Variants in PHLDB2 observed in about 807,000 individuals in gnomAD.
PHLDB2 encodes pleckstrin homology-like domain family B member 2.
PHLDB2 carries 71 observed loss-of-function variants against 123.6 expected under a neutral mutation model. That is an observed-to-expected ratio of 0.57 (90% CI 0.47 to 0.70). PHLDB2 has a LOEUF of 0.70. PHLDB2 is among the 30% of genes least tolerant of loss of function. The pLI, the probability that PHLDB2 is intolerant of heterozygous loss-of-function variation, is 0.00. For synonymous variants in PHLDB2, 547 were observed against 541.6 expected (o/e 1.01, Z -0.14); for missense variants, 1,446 against 1,519.5 (o/e 0.95, Z 0.80).
chr3:111,970,665 T>G (rs1055567767), intron 16 of PHLDB2, among the ~76,000 whole-genome samples: 1 of 152,186 alleles, frequency 6.6e-6, no homozygotes, highest in Non-Finnish European at 1.5e-5. Flanking sequence ...AAGAACCTCT[T>G]ATTTCCTCTT....
At chr3:111,832,026 C>T (rs2063060768) in intron 1 of PHLDB2, among the ~76,000 whole-genome samples, 1 of 152,170 alleles carries the variant, frequency 6.6e-6, no homozygotes, top group Non-Finnish European at 1.5e-5. Context: ...ATGACACTGG[C>T]TCATGAGTTT....
chr3:111,895,158 A>G (rs1235538386), intron 2 of PHLDB2, among the ~76,000 whole-genome samples: 2 of 152,228 alleles, frequency 1.3e-5, no homozygotes, highest in Non-Finnish European at 2.9e-5. Flanking sequence ...CAATAATCTA[A>G]TGACTTCACA....
At chr3:111,734,599 A>G (rs1017076002) in intron 1 of PHLDB2, among the ~76,000 whole-genome samples, 1 of 152,180 alleles carries the variant, frequency 6.6e-6, no homozygotes, top group African/African-American at 2.4e-5. Context: ...AATATTGGAT[A>G]GTAAGTAGAG....
chr3:111,957,688 C>T (rs1383521731), intron 12 of PHLDB2: 1 of 152,218 alleles, frequency 6.6e-6, no homozygotes, highest in Non-Finnish European at 1.5e-5. Context: ...CCTACTTATT[C>T]ATTTCATTGG....
At chr3:111,842,691 G>A (rs1465383088) in intron 1 of PHLDB2, among the ~76,000 whole-genome samples, 1 of 152,104 alleles carries the variant, frequency 6.6e-6, no homozygotes, top group Non-Finnish European at 1.5e-5. Context: ...TCATCCAGAA[G>A]CTAACTTTAG....
At chr3:111,859,207 A>G (rs1160992177), upstream of PHLDB2, 7 of 985,234 alleles carry the variant, frequency 7.1e-6, no homozygotes, top group Non-Finnish European at 8.4e-6. Flanking sequence ...TCACCCTAGG[A>G]CGTAAACCCT....
intron 1 of PHLDB2, among the ~76,000 whole-genome samples, chr3:111,782,970 A>G (rs774142881): frequency 1.1e-4 from 17 of 152,060 alleles, no homozygotes; most frequent in Non-Finnish European, 1.9e-4. Context: ...TATCACATAT[A>G]ATTTTGTCCT....
Position 111,967,749 on chromosome 3 carries a change from A to T in PHLDB2, c.3240A>T (p.Arg1080=). The change falls in exon 15 of 18, where the codon CGA becomes CGT. Residue 1080 remains arginine (R), a synonymous_variant. Transcript: ENST00000431670. ...EKRRREILEK[R]LQEETSQRQK... Reference sequence around the variant, plus strand: ...GACGCCGGGAAATCCTGGAAAAACGATTACAGGAAGAAACTAGCCAGAGGC... The same window carrying T: ...GACGCCGGGAAATCCTGGAAAAACGTTTACAGGAAGAAACTAGCCAGAGGC... 6.2e-7 allele frequency: 1 copy of T among 1,613,146 alleles called. No individual in the cohort carries two copies. Among genetic ancestry groups the T allele is most frequent in the Non-Finnish European group, 8.5e-7 (1 of 1,179,674 alleles).
rs369653186 is a variant in PHLDB2, at chr3:111,939,676, T to A, written c.2286+46T>A. The A allele has an allele frequency of 2.1e-5, 32 of 1,558,040 alleles. No individual in the cohort carries two copies. In the African/African-American group the frequency reaches 3.7e-4, roughly 18 times the overall value. On this transcript the variant is annotated intron_variant, in intron 7 of 17. Coordinates refer to ENST00000431670, the MANE Select transcript of PHLDB2 (RefSeq NM_001134438.2). ...TCAATGTGAAAAATCAAAATATATTTCTGCTTAACATAGCTATGACATATG... is the reference window on the plus strand; with the variant it reads ...TCAATGTGAAAAATCAAAATATATTACTGCTTAACATAGCTATGACATATG...
intron 5 of PHLDB2, among the ~76,000 whole-genome samples, chr3:111,927,434 G>A (rs949500114): frequency 2.6e-5 from 4 of 152,140 alleles, no homozygotes; most frequent in African/African-American, 9.7e-5. Context: ...ATATCACTGC[G>A]TCAATTCCAA....
chr3:111,790,871 A>G (rs2060889508), intron 1 of PHLDB2, among the ~76,000 whole-genome samples: 1 of 152,178 alleles, frequency 6.6e-6, no homozygotes, highest in Non-Finnish European at 1.5e-5. Flanking sequence ...AACCACCAAT[A>G]TCTAGTATTA....
At chr3:111,751,110 A>G (rs191368041) in intron 1 of PHLDB2, among the ~76,000 whole-genome samples, 26 of 152,182 alleles carry the variant, frequency 1.7e-4, no homozygotes, top group Admixed American at 1.6e-3. Flanking sequence ...ATCTCAGCAA[A>G]TAAAACACTA....
intron 2 of PHLDB2, among the ~76,000 whole-genome samples, chr3:111,904,277 CAAAAA>C (rs3082325): frequency 1.2e-5 from 1 of 86,722 alleles, no homozygotes; most frequent in Non-Finnish European, 2.2e-5. Context: ...GACCCTGTCT[CAAAAA>C]AAAAAAAGGC....
intron 1 of PHLDB2, among the ~76,000 whole-genome samples, chr3:111,827,539 G>T (rs907668397): frequency 5.9e-5 from 9 of 152,090 alleles, no homozygotes; most frequent in Admixed American, 1.3e-4. Flanking sequence ...GCCGGGTGTT[G>T]TGGCAGGCGC....
Position 111,921,297 on chromosome 3 carries a change from A to AT in PHLDB2, c.2001+880dup, listed in dbSNP as rs563471231. 8.9e-4 allele frequency among the ~76,000 whole-genome samples: 135 copies of AT among 152,346 alleles called. 1 individual carries two copies. Among genetic ancestry groups the AT allele is most frequent in the African/African-American group, 3.1e-3 (130 of 41,574 alleles). ...AGAAAAAGCAAATAAGCTTTAACAC[A>AT]TTCTTCCTTACTCAACATGTTCTCC... On this transcript the variant is annotated intron_variant, in intron 5 of 17. Transcript: ENST00000431670.
intron 1 of PHLDB2, among the ~76,000 whole-genome samples, chr3:111,826,164 C>T (rs1042137182): frequency 1.3e-5 from 2 of 151,900 alleles, no homozygotes; most frequent in African/African-American, 4.8e-5. Flanking sequence ...AAAGAATTAG[C>T]TAGGCATGGT....
chr3:111,919,268 A>G, intron 4 of PHLDB2, 53 bp downstream of exon 4: 1 of 1,583,754 alleles, frequency 6.3e-7, no homozygotes, highest in Non-Finnish European at 8.7e-7. Context: ...GCTTAAAAAT[A>G]TTGCTACTTA....
intron 2 of PHLDB2, among the ~76,000 whole-genome samples, chr3:111,908,229 C>T (rs1559897345): frequency 6.6e-6 from 1 of 152,040 alleles, no homozygotes; most frequent in Non-Finnish European, 1.5e-5. Context: ...CTCCCAGAAG[C>T]CAATGGCAAA....
chr3:111,837,417 A>G (rs1219124611), intron 1 of PHLDB2, among the ~76,000 whole-genome samples: 1 of 152,130 alleles, frequency 6.6e-6, no homozygotes, highest in Non-Finnish European at 1.5e-5. Flanking sequence ...GTTCTATATC[A>G]ATCTCTCTCA....
Sources: gnomAD v4.1 joint callset for allele counts (sites outside exome capture counted in the v4.1 genomes callset) on GRCh38, gnomAD v4.1.1 for gene constraint, MANE v1.5 for transcripts, NCBI Gene and HGNC (gene_info 2026-07-23, HGNC 2026-07-21) for gene names.